The following LLGL2 variants were observed in gnomAD, a reference collection of about 807,000 sequenced individuals.
LLGL2 encodes LLGL scribble cell polarity complex component 2.
Under a neutral mutation model 123.2 loss-of-function variants are expected in LLGL2, and 81 were observed. The observed-to-expected ratio is 0.66, with a 90% CI of 0.55 to 0.79. The LOEUF (loss-of-function observed/expected upper bound fraction) is 0.79. Ranked by LOEUF, LLGL2 falls within the 30% of genes least tolerant of loss-of-function variation. LLGL2 has a pLI of 0.00. For synonymous variants in LLGL2, 577 were observed against 594.1 expected, an observed-to-expected ratio of 0.97 and a Z score of 0.42; for missense variants, 1,273 against 1,414.6, an observed-to-expected ratio of 0.90 and a Z score of 1.61.
In LLGL2 at chr17:75,556,094, C is replaced by A. The variant is rs755244871; in HGVS notation, c.124C>A (p.Pro42Thr). 1.2e-6 allele frequency: 2 copies of A among 1,610,334 alleles called. No individual in the cohort carries two copies. Among genetic ancestry groups the A allele is most frequent in the South Asian group, 1.1e-5 (1 of 91,084 alleles). ...CCAGCCCAGCGCCCTCGGCTACAGC[C>A]CGTCCCTGCGCATCCTGGCCATCGG... is the stretch of plus-strand genomic sequence containing the variant. ...PHQPSALGYS[P>T]SLRILAIGTR... The change falls in exon 3 of 26, where the codon CCG (proline) becomes ACG (threonine). Residue 42 changes from proline to threonine, a missense_variant. Coordinates refer to ENST00000392550, the MANE Select transcript of LLGL2 (RefSeq NM_001031803.2).
rs1302232573 is a variant in LLGL2, at chr17:75,573,945, C to T, written c.2877-7C>T. On this transcript the variant is annotated splice_region_variant and splice_polypyrimidine_tract_variant and intron_variant, in intron 21 of 25. Coordinates refer to ENST00000392550, the MANE Select transcript of LLGL2 (RefSeq NM_001031803.2). ...GGCCCTGGTCCTCACTGTCTCTTCCCCCACAGGAACTCAGGGACTCAGAGT... is the reference window on the plus strand; with the variant it reads ...GGCCCTGGTCCTCACTGTCTCTTCCTCCACAGGAACTCAGGGACTCAGAGT... 2.6e-6 allele frequency: 4 copies of T among 1,550,620 alleles called. No individual in the cohort carries two copies. In the African/African-American group the frequency reaches 5.5e-5, roughly 21 times the overall value.
chr17:75,553,889 A>C (rs1038713316), intron 2 of LLGL2, among the ~76,000 whole-genome samples: 3 of 152,228 alleles, frequency 2.0e-5, no homozygotes, highest in Non-Finnish European at 4.4e-5. Flanking sequence ...TAGGAGTCCA[A>C]GAATGCCATC....
At chr17:75,566,292 T>C (rs753351313) in intron 10 of LLGL2, among the ~76,000 whole-genome samples, 3 of 152,172 alleles carry the variant, frequency 2.0e-5, no homozygotes, top group Admixed American at 6.5e-5. Context: ...GGTGCCATGA[T>C]CTAGCCTCTG....
At chr17:75,546,489 G>A (rs1007351676) in intron 2 of LLGL2, among the ~76,000 whole-genome samples, 12 of 152,180 alleles carry the variant, frequency 7.9e-5, no homozygotes, top group South Asian at 2.1e-4. Flanking sequence ...TGCAGTGTCC[G>A]GCAGCATCGT....
chr17:75,562,814 C>T (rs1463926152), intron 6 of LLGL2: 5 of 627,178 alleles, frequency 8.0e-6, no homozygotes, highest in African/African-American at 7.4e-5. Context: ...AAGTGGCCTG[C>T]CCACCTTGGG....
At chr17:75,532,055 T>TATACACACACACACACAC (rs1555648011) in intron 1 of LLGL2, among the ~76,000 whole-genome samples, 99 of 93,768 alleles carry the variant, frequency 1.1e-3, no homozygotes, top group Non-Finnish European at 2.1e-3. Flanking sequence ...TATGTATATA[T>TATACACACACACACACAC]ACACACACAC....
chr17:75,570,590 C>T (rs2055659782), intron 16 of LLGL2, 92 bp downstream of exon 16: 6 of 1,423,126 alleles, frequency 4.2e-6, no homozygotes, highest in Middle Eastern at 2.5e-4. Context: ...GCTCCCCAGG[C>T]TTGCTAGGCT....
rs2054339806 is a variant in LLGL2 at position 75,544,521 on chromosome 17, A to G, written c.75+1020A>G. On this transcript the variant is annotated intron_variant, in intron 2 of 25. Transcript: ENST00000392550. This position sits in a 1 kb window ranked among gnomAD's most constrained non-coding sequence, Gnocchi z 4.2. ...GTCAGCTTGCCCAGGTGCAAACCCA[A>G]CTTTGCCACATAGAAGCTGGATGGC... 6.6e-6 allele frequency among the ~76,000 whole-genome samples: 1 copy of G among 152,246 alleles called. No individual in the cohort carries two copies. The highest frequency in any genetic ancestry group is 2.4e-5 in the African/African-American group (1 of 41,466).
chr17:75,530,886 GA>G (rs1375084118), intron 1 of LLGL2, among the ~76,000 whole-genome samples: 1 of 152,172 alleles, frequency 6.6e-6, no homozygotes, highest in Admixed American at 6.5e-5. Context: ...GGCAGCAGTG[GA>G]GGGCGCGGCT....
intron 1 of LLGL2, among the ~76,000 whole-genome samples, chr17:75,540,592 C>T (rs938331406): frequency 6.6e-6 from 1 of 152,198 alleles, no homozygotes; most frequent in Admixed American, 6.5e-5. Flanking sequence ...CATCTGGGAG[C>T]GTGTCTGTGC....
intron 3 of LLGL2, chr17:75,557,665 G>A (rs923983131): frequency 3.5e-6 from 1 of 289,028 alleles, no homozygotes; most frequent in Admixed American, 4.8e-5. Context: ...GTGTACACAG[G>A]GGGCCAGGGC....
At chr17:75,553,289 C>A (rs547270567) in intron 2 of LLGL2, among the ~76,000 whole-genome samples, 3 of 152,238 alleles carry the variant, frequency 2.0e-5, no homozygotes, top group South Asian at 4.1e-4. Flanking sequence ...AGGGCAGGCC[C>A]TGTTCCTAGC....
At chr17:75,570,861 C>T in intron 16 of LLGL2, 89 bp from the exon 17 acceptor site, 1 of 1,470,070 alleles carries the variant, frequency 6.8e-7, no homozygotes, top group Non-Finnish European at 9.1e-7. Flanking sequence ...TGTGGCCTGC[C>T]TTCCGATGCA....
At chr17:75,539,539 C>T (rs1192551921) in intron 1 of LLGL2, among the ~76,000 whole-genome samples, 2 of 151,318 alleles carry the variant, frequency 1.3e-5, no homozygotes, top group Non-Finnish European at 2.9e-5. Flanking sequence ...CCACCGTGCC[C>T]AGCCCATCTC....
In LLGL2 at chr17:75,535,303, C is replaced by T. The variant is rs76451180; in HGVS notation, c.-30-8094C>T. 5.2e-3 allele frequency among the ~76,000 whole-genome samples: 795 copies of T among 152,346 alleles called. 7 individuals are homozygous for T. The highest frequency in any genetic ancestry group is 0.018 in the African/African-American group (747 of 41,584). On this transcript the variant is annotated intron_variant, in intron 1 of 25. Coordinates refer to ENST00000392550, the MANE Select transcript of LLGL2 (RefSeq NM_001031803.2). ...GGGAAGGCAGCTTCTTAATCAGCAGCGGGCTGTGGGGAGCACGAGCGAAGA... is the reference window on the plus strand; with the variant it reads ...GGGAAGGCAGCTTCTTAATCAGCAGTGGGCTGTGGGGAGCACGAGCGAAGA...
chr17:75,556,094 C>T lies in LLGL2; in HGVS notation c.124C>T (p.Pro42Ser). 2 of 1,610,338 alleles carry T rather than the reference C, an allele frequency of 1.2e-6. No individual in the cohort carries two copies. Among genetic ancestry groups the T allele is most frequent in the Non-Finnish European group, 1.7e-6 (2 of 1,179,980 alleles). The stretch of plus-strand genomic sequence containing the variant: ...CCAGCCCAGCGCCCTCGGCTACAGC[C>T]CGTCCCTGCGCATCCTGGCCATCGG... ...PHQPSALGYS[P>S]SLRILAIGTR... The change falls in exon 3 of 26, where the codon CCG becomes TCG. Residue 42 changes from proline to serine, a missense_variant. Coordinates refer to ENST00000392550, the MANE Select transcript of LLGL2 (RefSeq NM_001031803.2).
intron 1 of LLGL2, among the ~76,000 whole-genome samples, chr17:75,538,900 C>CT (rs960799864): frequency 1.3e-5 from 2 of 148,494 alleles, no homozygotes; most frequent in Non-Finnish European, 3.0e-5. Flanking sequence ...CTTTCTTTTT[C>CT]TTTTTTTTAG....
intron 1 of LLGL2, among the ~76,000 whole-genome samples, chr17:75,530,687 G>C (rs1456714113): frequency 4.0e-5 from 6 of 151,200 alleles, no homozygotes; most frequent in Non-Finnish European, 7.4e-5. Flanking sequence ...ATCGTGGTGT[G>C]CACCTGTTGT....
In LLGL2 at chr17:75,543,474, C is replaced by T; in HGVS notation, c.48C>T (p.Leu16=). 1.2e-6 allele frequency: 2 copies of T among 1,612,100 alleles called. No individual in the cohort carries two copies. Among genetic ancestry groups the T allele is most frequent in the Non-Finnish European group, 8.5e-7 (1 of 1,178,874 alleles). Residue 16 remains leucine, a synonymous_variant, in exon 2 of 26, where the codon CTC becomes CTT. Coordinates refer to ENST00000392550, the MANE Select transcript of LLGL2 (RefSeq NM_001031803.2). The part of the protein sequence containing the change: ...RPGHDPVRER[L]KRDLFQFNKT... ...GGCATGACCCTGTGCGGGAGAGGCTCAAGCGGGACCTGTTCCAGTTTAACA... is the reference window on the plus strand; with the variant it reads ...GGCATGACCCTGTGCGGGAGAGGCTTAAGCGGGACCTGTTCCAGTTTAACA...
Sources: allele counts gnomAD v4.1 joint callset (sites outside exome capture counted in the v4.1 genomes callset), GRCh38; gene constraint gnomAD v4.1.1; non-coding constraint Gnocchi (gnomAD v3.1); transcripts MANE v1.5; gene names NCBI Gene and HGNC (gene_info 2026-07-23, HGNC 2026-07-21).